DYNC1H1: variants seen among roughly 807,000 people sequenced by gnomAD.
DYNC1H1 encodes the protein dynein cytoplasmic 1 heavy chain 1, also known as cytoplasmic dynein 1 heavy chain 1.
Under a neutral mutation model 527.1 loss-of-function variants are expected in DYNC1H1, and 51 were observed. The ratio of observed to expected loss-of-function variants is 0.10; its 90% CI spans 0.08 to 0.12. The LOEUF (loss-of-function observed/expected upper bound fraction) is 0.12, where lower values mean the gene tolerates loss of function less well. DYNC1H1 is among the 10% of genes least tolerant of loss of function. DYNC1H1 has a pLI of 1.00. For synonymous variants in DYNC1H1, 2,189 were observed against 2,278.8 expected (o/e 0.96, Z 1.12); for missense variants, 2,771 against 5,971.8 (o/e 0.46, Z 17.66).
intron 72 of DYNC1H1, chr14:102,045,200 G>C (rs1297038351): frequency 4.9e-6 from 1 of 203,628 alleles, no homozygotes; most frequent in East Asian, 1.2e-4. Context: ...CTACTCAGGA[G>C]GCTGAGGCAG....
In DYNC1H1 at chr14:101,964,934, C is replaced by T; in HGVS notation, c.243C>T (p.Arg81=). 1 of 1,598,538 alleles carries T rather than the reference C, an allele frequency of 6.3e-7. No individual in the cohort carries two copies. The stretch of plus-strand genomic sequence containing the variant: ...AGGTCCACACGGTGCTGGTGGAGCG[C>T]TCCACGCTCAAAGGTGCGGGGCCGC... ...DPQVHTVLVE[R]STLKEDVGDE... Residue 81 remains arginine (R), a synonymous_variant, in exon 1 of 78, where the codon CGC becomes CGT. Coordinates refer to ENST00000360184, the MANE Select transcript of DYNC1H1 (RefSeq NM_001376.5). This position sits in a 1 kb window ranked among gnomAD's most constrained non-coding sequence, Gnocchi z 5.5.
In DYNC1H1 at chr14:102,018,739, T is replaced by G; in HGVS notation, c.8343+123T>G. The G allele has an allele frequency of 7.6e-7, 1 of 1,316,472 alleles. No individual in the cohort carries two copies. The highest frequency in any genetic ancestry group is 1.5e-5 in the African/African-American group (1 of 68,710). 81.5% of individuals were successfully genotyped at this position (1,316,472 alleles called of 1,614,324 possible). On this transcript the variant is annotated intron_variant, in intron 41 of 77. Coordinates refer to ENST00000360184, the MANE Select transcript of DYNC1H1 (RefSeq NM_001376.5). The surrounding 1 kb of genome is among the most constrained non-coding windows in gnomAD (Gnocchi z 5.2). ...ATTTTGGGAGGCCAAGGTGGGTGGATCCTTTGAGCCCAGGAGTTTGAGACC... is the reference window on the plus strand; with the variant it reads ...ATTTTGGGAGGCCAAGGTGGGTGGAGCCTTTGAGCCCAGGAGTTTGAGACC...
At chr14:101,996,438 T>G (rs1463169033) in intron 15 of DYNC1H1, among the ~76,000 whole-genome samples, 1 of 151,728 alleles carries the variant, frequency 6.6e-6, no homozygotes, top group Non-Finnish European at 1.5e-5. Context: ...CCAAGTATCC[T>G]TTTAATAACT....
rs372494408 is a variant in DYNC1H1, at chr14:101,986,562, C to T, written c.2337C>T (p.Ile779=). 21 of 1,614,152 alleles carry T rather than the reference C, an allele frequency of 1.3e-5. No homozygotes were observed. Among genetic ancestry groups the T allele is most frequent in the Non-Finnish European group, 1.1e-5 (13 of 1,180,034 alleles). ...HQANQLYPFA[I]SLIESVRTYE... is the part of the protein sequence containing the mutation. Reference sequence around the variant, plus strand: ...CAAACCAGCTTTACCCGTTTGCCATCTCACTGATCGAGAGCGTTCGTACCT... The same window carrying T: ...CAAACCAGCTTTACCCGTTTGCCATTTCACTGATCGAGAGCGTTCGTACCT... The change falls in exon 8 of 78, where the codon ATC becomes ATT. Residue 779 remains isoleucine, a synonymous_variant. Coordinates refer to ENST00000360184, the MANE Select transcript of DYNC1H1 (RefSeq NM_001376.5). The surrounding 1 kb of genome is among the most constrained non-coding windows in gnomAD (Gnocchi z 8.7).
In DYNC1H1 at chr14:102,011,598, C is replaced by G. The variant is rs923767561; in HGVS notation, c.6619-277C>G. 2.2e-6 allele frequency: 1 copy of G among 449,844 alleles called. No homozygotes were observed. Among genetic ancestry groups the G allele is most frequent in the African/African-American group, 2.0e-5 (1 of 50,232 alleles). The allele number at this position is 449,844 out of a possible 1,614,324, so 27.9% of individuals were successfully genotyped here. On this transcript the variant is annotated intron_variant, in intron 32 of 77. Coordinates refer to ENST00000360184, the MANE Select transcript of DYNC1H1 (RefSeq NM_001376.5). This position sits in a 1 kb window ranked among gnomAD's most constrained non-coding sequence, Gnocchi z 5.3. The stretch of plus-strand genomic sequence containing the variant: ...TCTCTCCAGCTGGGGAGTTTCAGTA[C>G]TTGCCTTTAATAATCCATAGATAGG...
At position 102,027,329 on chromosome 14, in the gene DYNC1H1, T is replaced by A; in HGVS notation, c.8886+41T>A. ...GGCCTCTTAATCCCAGCAACAGATG[T>A]GTGTGCAGAGCTCAGTGAGTAGGAA... On this transcript the variant is annotated intron_variant, in intron 45 of 77. Transcript: ENST00000360184. This position sits in a 1 kb window ranked among gnomAD's most constrained non-coding sequence, Gnocchi z 7.7. 6.2e-7 allele frequency: 1 copy of A among 1,614,062 alleles called. No homozygotes were observed. The highest frequency in any genetic ancestry group is 8.5e-7 in the Non-Finnish European group (1 of 1,180,000).
intron 1 of DYNC1H1, among the ~76,000 whole-genome samples, chr14:101,970,176 A>G (rs920307783): frequency 6.6e-6 from 1 of 152,156 alleles, no homozygotes; most frequent in Non-Finnish European, 1.5e-5. Context: ...TAAGTATTAT[A>G]TGGGGTTTCA....
At position 101,981,468 on chromosome 14, in the gene DYNC1H1, A is replaced by T. The variant is rs142096257; in HGVS notation, c.961+918A>T. On this transcript the variant is annotated intron_variant, in intron 5 of 77. Transcript: ENST00000360184. ...ATTCTTTTAAAAACTTTGTAACTTG[A>T]CTGAGCTGCATTAGCACGTACTAGG... 3.3e-4 allele frequency among the ~76,000 whole-genome samples: 51 copies of T among 152,342 alleles called. No homozygotes were observed. The East Asian group carries it at 9.8e-3, about 29-fold the overall frequency.
In DYNC1H1 at chr14:102,050,610, C is replaced by G; in HGVS notation, c.*47C>G. 6.2e-7 allele frequency: 1 copy of G among 1,613,724 alleles called. No individual in the cohort carries two copies. Among genetic ancestry groups the G allele is most frequent in the Non-Finnish European group, 8.5e-7 (1 of 1,179,732 alleles). On this transcript the variant is annotated 3_prime_UTR_variant, in exon 78 of 78. Coordinates refer to ENST00000360184, the MANE Select transcript of DYNC1H1 (RefSeq NM_001376.5). The stretch of plus-strand genomic sequence containing the variant: ...TGTAATAGTGAAAGTTGGTATTTAA[C>G]ATTTATTCATTTTTAAAATATTTGG...
chr14:101,982,224 G>C (rs985625058), intron 5 of DYNC1H1, among the ~76,000 whole-genome samples: 1 of 152,170 alleles, frequency 6.6e-6, no homozygotes, highest in Admixed American at 6.6e-5. Context: ...ATCACCCTCA[G>C]ATGGGACCTC....
rs1256466863 is a variant in DYNC1H1, at chr14:102,017,844, C to T, written c.8177+340C>T. 2.2e-5 allele frequency: 8 copies of T among 362,100 alleles called. No individual in the cohort carries two copies. The highest frequency in any genetic ancestry group is 3.7e-5 in the Non-Finnish European group (7 of 188,532). The allele number at this position is 362,100 out of a possible 1,614,324, so 22.4% of individuals were successfully genotyped here. On this transcript the variant is annotated intron_variant, in intron 40 of 77. Coordinates refer to ENST00000360184, the MANE Select transcript of DYNC1H1 (RefSeq NM_001376.5). The surrounding 1 kb of genome is among the most constrained non-coding windows in gnomAD (Gnocchi z 4.6). Reference sequence around the variant, plus strand: ...AATTAAGGCCGGGCGTGGTGGCTTACGCCTGTAATCCCAGCACTTTGGGAG... The same window carrying T: ...AATTAAGGCCGGGCGTGGTGGCTTATGCCTGTAATCCCAGCACTTTGGGAG...
rs772893883 is a variant in DYNC1H1 at position 102,034,275 on chromosome 14, T to G, written c.10627-50T>G. 4.3e-6 allele frequency: 7 copies of G among 1,614,136 alleles called. No homozygotes were observed. In the East Asian group the frequency reaches 1.6e-4, roughly 36 times the overall value. On this transcript the variant is annotated intron_variant, in intron 55 of 77. Coordinates refer to ENST00000360184, the MANE Select transcript of DYNC1H1 (RefSeq NM_001376.5). ...TGCACAGTTAGAGTCTTGAGAACAG[T>G]CCCATCTGTGGCTGTGAAGAGGAGG...
At position 102,002,491 on chromosome 14, in the gene DYNC1H1, A is replaced by G; in HGVS notation, c.4543-46A>G. The stretch of plus-strand genomic sequence containing the variant: ...TTCAGTGAGTTTTGGCATATCTGTG[A>G]GTAGAAGGGTCAGCAGTTTACCTCT... On this transcript the variant is annotated intron_variant, in intron 21 of 77. Coordinates refer to ENST00000360184, the MANE Select transcript of DYNC1H1 (RefSeq NM_001376.5). This position sits in a 1 kb window ranked among gnomAD's most constrained non-coding sequence, Gnocchi z 4.4. 1.2e-6 allele frequency: 2 copies of G among 1,612,186 alleles called. No individual in the cohort carries two copies. The highest frequency in any genetic ancestry group is 1.7e-6 in the Non-Finnish European group (2 of 1,178,912).
At position 101,965,720 on chromosome 14, in the gene DYNC1H1, T is replaced by C. The variant is rs2047659829; in HGVS notation, c.256+773T>C. Among the ~76,000 whole-genome samples the C allele has an allele frequency of 6.6e-6, 1 of 151,666 alleles. No homozygotes were observed. Among genetic ancestry groups the C allele is most frequent in the African/African-American group, 2.4e-5 (1 of 41,236 alleles). The stretch of plus-strand genomic sequence containing the variant: ...CTAGACTCAGTGTCTCAGCTCCCCA[T>C]CCACTGCTTGTTTTCACTGATCATA... On this transcript the variant is annotated intron_variant, in intron 1 of 77. Coordinates refer to ENST00000360184, the MANE Select transcript of DYNC1H1 (RefSeq NM_001376.5). The surrounding 1 kb of genome is among the most constrained non-coding windows in gnomAD (Gnocchi z 4.1).
At chr14:101,981,469 C>T (rs2047863222) in intron 5 of DYNC1H1, among the ~76,000 whole-genome samples, 2 of 152,218 alleles carry the variant, frequency 1.3e-5, no homozygotes, top group African/African-American at 4.8e-5. Context: ...TGTAACTTGA[C>T]TGAGCTGCAT....
rs558579791 is a variant in DYNC1H1 at position 101,998,439 on chromosome 14, G to GTCCCAGGCGATTGGTGGT, written c.3804+1180_3804+1181insGGTTCCCAGGCGATTGGT. ...TGCTGATCCAATTGGGTTATGGTGG[G>GTCCCAGGCGATTGGTGGT]TCCCAGGCGATTGGTTTGTTTTCTT... On this transcript the variant is annotated intron_variant, in intron 16 of 77. Coordinates refer to ENST00000360184, the MANE Select transcript of DYNC1H1 (RefSeq NM_001376.5). Among the ~76,000 whole-genome samples, 8 of 152,304 alleles carry GTCCCAGGCGATTGGTGGT rather than the reference G, an allele frequency of 5.3e-5. No individual in the cohort carries two copies. In the East Asian group the frequency reaches 1.5e-3, roughly 29 times the overall value.
Position 102,029,887 on chromosome 14 carries a change from T to C in DYNC1H1, c.9711T>C (p.Asn3237=). ...TGGAGGTGAAGAATGCAGCAGCCAA[T>C]GACAAGCTGAAAAAGATGGTGAAAG... ...QELEVKNAAA[N]DKLKKMVKDQ... Residue 3237 remains asparagine, a synonymous_variant, in exon 50 of 78, where the codon AAT becomes AAC. Transcript: ENST00000360184. This position sits in a 1 kb window ranked among gnomAD's most constrained non-coding sequence, Gnocchi z 5.3. 2 of 1,614,042 alleles carry C rather than the reference T, an allele frequency of 1.2e-6. No individual in the cohort carries two copies. Among genetic ancestry groups the C allele is most frequent in the Non-Finnish European group, 1.7e-6 (2 of 1,180,020 alleles).
In DYNC1H1 at chr14:102,042,694, G is replaced by A. The variant is rs1473980137; in HGVS notation, c.12459G>A (p.Val4153=). 6.2e-7 allele frequency: 1 copy of A among 1,614,198 alleles called. No individual in the cohort carries two copies. Among genetic ancestry groups the A allele is most frequent in the South Asian group, 1.1e-5 (1 of 91,082 alleles). ...RIFVFEPPPG[V]KANMLRTFSS... is the part of the protein sequence containing the mutation. Reference sequence around the variant, plus strand: ...TTGTGTTCGAGCCACCGCCAGGGGTGAAGGCCAACATGCTGAGGACGTTCA... The same window carrying A: ...TTGTGTTCGAGCCACCGCCAGGGGTAAAGGCCAACATGCTGAGGACGTTCA... The change falls in exon 69 of 78, where the codon GTG becomes GTA. Residue 4153 remains valine (V), a synonymous_variant. Transcript: ENST00000360184. This position sits in a 1 kb window ranked among gnomAD's most constrained non-coding sequence, Gnocchi z 5.7.
rs1324282832 is a variant in DYNC1H1, at chr14:102,047,586, C to CGT, written c.13007-230_13007-229dup. 9.8e-5 allele frequency: 32 copies of CGT among 326,242 alleles called. 2 individuals are homozygous for CGT. The highest frequency in any genetic ancestry group is 1.6e-4 in the Non-Finnish European group (31 of 189,054). The allele number at this position is 326,242 out of a possible 1,614,324, so 20.2% of individuals were successfully genotyped here. A position where few individuals can be genotyped will look rare whatever the true frequency, so the allele number is the denominator to read the frequency against. ...ACACATATATATATACATACACATA[C>CGT]GTATATATATATACACATATATGTA... On this transcript the variant is annotated intron_variant, in intron 72 of 77. Coordinates refer to ENST00000360184, the MANE Select transcript of DYNC1H1 (RefSeq NM_001376.5).
Sources: gnomAD v4.1 joint callset for allele counts (sites outside exome capture counted in the v4.1 genomes callset) on GRCh38, gnomAD v4.1.1 for gene constraint, Gnocchi (gnomAD v3.1) non-coding constraint, MANE v1.5 for transcripts, NCBI Gene and HGNC (gene_info 2026-07-23, HGNC 2026-07-21) for gene names.